The following SCRG1 variants were observed in gnomAD, a reference collection of about 807,000 sequenced individuals.
The protein encoded by SCRG1 is scrapie-responsive protein 1.
A neutral mutation model predicts 7.7 loss-of-function variants in SCRG1; 3 were observed. The ratio of observed to expected loss-of-function variants is 0.39; its 90% CI spans 0.18 to 1.01. The LOEUF (loss-of-function observed/expected upper bound fraction) is 1.01, where lower values mean the gene tolerates loss of function less well. Among genes scored for constraint, SCRG1 ranks in the 50% least tolerant of loss-of-function variants. The pLI is 0.36. For synonymous variants in SCRG1, 46 were observed against 41.2 expected (o/e 1.12, Z -0.44); for missense variants, 110 against 117.2 (o/e 0.94, Z 0.28).
At chr4:173,498,960 C>A in the SCRG1 span, among the ~76,000 whole-genome samples, 1 of 152,154 alleles carries the variant, frequency 6.6e-6, no homozygotes, top group African/African-American at 2.4e-5. Context: ...TGGTAAGATT[C>A]ATGTTTAATT....
At chr4:173,417,534 AT>A in the SCRG1 span, among the ~76,000 whole-genome samples, 1 of 152,210 alleles carries the variant, frequency 6.6e-6, no homozygotes, top group African/African-American at 2.4e-5. Flanking sequence ...ATTGTGCTAA[AT>A]GCATTTACAG....
chr4:173,410,776 TA>T (rs1236278058), upstream of SCRG1, among the ~76,000 whole-genome samples: 1 of 152,056 alleles, frequency 6.6e-6, no homozygotes, highest in Non-Finnish European at 1.5e-5. Context: ...CTGGACTTTT[TA>T]AAAAAAACTA....
chr4:173,466,393 G>T, the SCRG1 span, among the ~76,000 whole-genome samples: 1 of 152,152 alleles, frequency 6.6e-6, no homozygotes, highest in African/African-American at 2.4e-5. Context: ...GAAAGAGTGA[G>T]AGTCCAAGTC....
At chr4:173,396,224 T>G (rs1739598640) in intron 1 of SCRG1, among the ~76,000 whole-genome samples, 1 of 152,168 alleles carries the variant, frequency 6.6e-6, no homozygotes, top group South Asian at 2.1e-4. Context: ...CAAGTTAGGT[T>G]TGAGATGCCT....
chr4:173,397,296 G>T (rs1037645327), intron 1 of SCRG1, among the ~76,000 whole-genome samples: 4 of 151,908 alleles, frequency 2.6e-5, no homozygotes, highest in Non-Finnish European at 4.4e-5. Flanking sequence ...AGAGTGAAAT[G>T]ATTTTGGCCA....
At chr4:173,485,379 C>G in the SCRG1 span, among the ~76,000 whole-genome samples, 2 of 149,692 alleles carry the variant, frequency 1.3e-5, no homozygotes, top group Middle Eastern at 3.4e-3. Flanking sequence ...ACACATGGCC[C>G]AGCTGACAGC....
At chr4:173,502,225 G>T in the SCRG1 span, among the ~76,000 whole-genome samples, 2 of 151,980 alleles carry the variant, frequency 1.3e-5, no homozygotes, top group Non-Finnish European at 2.9e-5. This position sits in a 1 kb window ranked among gnomAD's most constrained non-coding sequence, Gnocchi z 4.6. Flanking sequence ...GGCGGGGAGG[G>T]GTGGGGAAAC....
At chr4:173,418,850 T>C in the SCRG1 span, among the ~76,000 whole-genome samples, 1 of 152,120 alleles carries the variant, frequency 6.6e-6, no homozygotes, top group East Asian at 1.9e-4. Context: ...TCTCTGGCCA[T>C]ATAAGACATG....
chr4:173,483,860 T>C, the SCRG1 span, among the ~76,000 whole-genome samples: 210 of 68,884 alleles, frequency 3.0e-3, 13 homozygotes, highest in African/African-American at 0.013. Context: ...ATATTTCATA[T>C]TACATATGTT....
the SCRG1 span, among the ~76,000 whole-genome samples, chr4:173,458,975 T>C: frequency 6.6e-6 from 1 of 152,142 alleles, no homozygotes; most frequent in Admixed American, 6.5e-5. Flanking sequence ...TAACATCACA[T>C]GAAATAGACT....
At chr4:173,495,224 TATC>T in the SCRG1 span, among the ~76,000 whole-genome samples, 1 of 152,374 alleles carries the variant, frequency 6.6e-6, no homozygotes, top group African/African-American at 2.4e-5. Context: ...GTAATCAAGT[TATC>T]ATTATCCATT....
At chr4:173,466,796 A>G in the SCRG1 span, among the ~76,000 whole-genome samples, 40 of 152,318 alleles carry the variant, frequency 2.6e-4, 2 homozygotes, top group East Asian at 7.3e-3. Flanking sequence ...AAAATTAGAT[A>G]TCAATTTGAA....
the SCRG1 span, among the ~76,000 whole-genome samples, chr4:173,484,061 T>G: frequency 3.1e-3 from 259 of 82,874 alleles, 2 homozygotes; most frequent in African/African-American, 0.013. Context: ...ATATACATAA[T>G]ATATAATATA....
At chr4:173,415,054 A>T in the SCRG1 span, among the ~76,000 whole-genome samples, 1 of 152,206 alleles carries the variant, frequency 6.6e-6, no homozygotes, top group African/African-American at 2.4e-5. Flanking sequence ...CAGCAAATTT[A>T]TATGCACAAT....
the SCRG1 span, among the ~76,000 whole-genome samples, chr4:173,473,641 C>A: frequency 1.2e-4 from 19 of 152,090 alleles, no homozygotes; most frequent in Non-Finnish European, 4.4e-5. Context: ...GAAAAAGAGG[C>A]AGGGCTCAGT....
chr4:173,445,845 T>C, the SCRG1 span, among the ~76,000 whole-genome samples: 1 of 151,804 alleles, frequency 6.6e-6, no homozygotes, highest in Non-Finnish European at 1.5e-5. Flanking sequence ...TTTGTATTTT[T>C]AGTAGAGACG....
At chr4:173,475,675 A>T in the SCRG1 span, among the ~76,000 whole-genome samples, 2 of 152,324 alleles carry the variant, frequency 1.3e-5, no homozygotes, top group South Asian at 4.1e-4. Flanking sequence ...AATAGTCAAA[A>T]AAGGTGGAAA....
chr4:173,469,229 A>G, the SCRG1 span: 1 of 152,206 alleles, frequency 6.6e-6, no homozygotes, highest in African/African-American at 2.4e-5. Context: ...AATTGCTTAG[A>G]GAAAAAAGAG....
chr4:173,472,491 C>A, the SCRG1 span, among the ~76,000 whole-genome samples: 1 of 152,128 alleles, frequency 6.6e-6, no homozygotes, highest in African/African-American at 2.4e-5. Context: ...AAGCTGGAGA[C>A]CTGGGAGAGC....
Sources: allele counts gnomAD v4.1 joint callset (sites outside exome capture counted in the v4.1 genomes callset), GRCh38; gene constraint gnomAD v4.1.1; non-coding constraint Gnocchi (gnomAD v3.1); transcripts MANE v1.5; gene names NCBI Gene and HGNC (gene_info 2026-07-23, HGNC 2026-07-21).